Variants in FBXL17 observed in about 807,000 individuals in gnomAD.
FBXL17 encodes the protein F-box/LRR-repeat protein 17.
In FBXL17, 22 loss-of-function variants were observed where a neutral mutation model predicts 66.2. The observed-to-expected ratio is 0.33, with a 90% CI of 0.24 to 0.47. FBXL17 has a LOEUF of 0.47. Ranked by LOEUF, FBXL17 falls within the 20% of genes least tolerant of loss-of-function variation. FBXL17 has a pLI of 1.00. For missense variants in FBXL17, 878 were observed against 948.2 expected (o/e 0.93, Z 0.97); for synonymous variants, 474 against 400.5 (o/e 1.18, Z -2.19).
chr5:108,177,841 T>C (rs978938973), intron 6 of FBXL17, among the ~76,000 whole-genome samples: 4 of 150,576 alleles, frequency 2.7e-5, no homozygotes, highest in African/African-American at 4.9e-5. Flanking sequence ...GAACAGTGTC[T>C]GGAACACAGT....
chr5:108,051,473 A>C (rs1323521222), intron 6 of FBXL17, among the ~76,000 whole-genome samples: 1 of 152,252 alleles, frequency 6.6e-6, no homozygotes, highest in Middle Eastern at 3.2e-3. Flanking sequence ...TCACCTAAAC[A>C]GAACCAAAGA....
chr5:108,126,664 C>CAT (rs869283993), intron 6 of FBXL17, among the ~76,000 whole-genome samples: 10,590 of 107,734 alleles, frequency 0.098, 673 homozygotes, highest in African/African-American at 0.21. Flanking sequence ...TATATATATA[C>CAT]ATATATATAT....
intron 7 of FBXL17, among the ~76,000 whole-genome samples, chr5:107,999,763 A>C (rs985397335): frequency 1.3e-5 from 2 of 152,208 alleles, no homozygotes; most frequent in African/African-American, 4.8e-5. Context: ...CTTTACACAT[A>C]ATGAATACTC....
At chr5:107,917,545 C>T (rs928691004) in intron 7 of FBXL17, among the ~76,000 whole-genome samples, 3 of 152,134 alleles carry the variant, frequency 2.0e-5, no homozygotes, top group Admixed American at 1.3e-4. Flanking sequence ...AGCACAGAAC[C>T]GAATAAACAG....
chr5:108,366,716 A>C (rs1196583253), intron 2 of FBXL17, among the ~76,000 whole-genome samples: 1 of 152,090 alleles, frequency 6.6e-6, no homozygotes, highest in Non-Finnish European at 1.5e-5. Context: ...TAACTCCCTC[A>C]CCATTCTCCT....
chr5:108,334,524 C>G (rs184000827), intron 4 of FBXL17, among the ~76,000 whole-genome samples: 1 of 152,306 alleles, frequency 6.6e-6, no homozygotes, highest in Non-Finnish European at 1.5e-5. Context: ...CCAGCTCCCA[C>G]AATTTTCAAT....
At chr5:107,903,638 C>A (rs1463736792) in intron 7 of FBXL17, among the ~76,000 whole-genome samples, 1 of 152,080 alleles carries the variant, frequency 6.6e-6, no homozygotes, top group African/African-American at 2.4e-5. Flanking sequence ...TATCAAAGAA[C>A]TGTGGTGGGA....
rs940431125 is a variant in FBXL17 at position 108,299,571 on chromosome 5, A to G, written c.1506+48828T>C. On this transcript the variant is annotated intron_variant, in intron 4 of 8. Transcript: ENST00000542267. ...AGATAAAGATATATTTTTCCAGAAA[A>G]GCTCCCTGGCGTTTTACTTTCCAAT... 3 of 971,028 alleles carry G rather than the reference A, an allele frequency of 3.1e-6. No homozygotes were observed. In the African/African-American group the frequency reaches 5.3e-5, roughly 17 times the overall value. 60.2% of individuals were successfully genotyped at this position (971,028 alleles called of 1,614,324 possible). A position where few individuals can be genotyped will look rare whatever the true frequency, so the allele number is the denominator to read the frequency against.
chr5:108,356,224 C>T (rs1315577009), intron 3 of FBXL17, among the ~76,000 whole-genome samples: 1 of 152,006 alleles, frequency 6.6e-6, no homozygotes, highest in Admixed American at 6.6e-5. Context: ...AAGAGAGCAT[C>T]AGAATATGTG....
At chr5:108,021,627 T>G (rs1754606340) in intron 6 of FBXL17, among the ~76,000 whole-genome samples, 1 of 151,700 alleles carries the variant, frequency 6.6e-6, no homozygotes. Flanking sequence ...TGTAAGACTG[T>G]CTTTTCTGGT....
intron 6 of FBXL17, among the ~76,000 whole-genome samples, chr5:108,055,476 G>C (rs1747665560): frequency 6.6e-6 from 1 of 150,742 alleles, no homozygotes; most frequent in African/African-American, 2.4e-5. Context: ...GGGTATGGTG[G>C]TGGGCGCCTG....
chr5:108,375,116 A>G (rs1342890638), intron 1 of FBXL17, among the ~76,000 whole-genome samples: 3 of 152,126 alleles, frequency 2.0e-5, no homozygotes, highest in Non-Finnish European at 4.4e-5. Flanking sequence ...CACTTTGGGA[A>G]GCCAAAGTGG....
chr5:108,160,866 T>C (rs540590681), intron 6 of FBXL17, among the ~76,000 whole-genome samples: 1 of 152,210 alleles, frequency 6.6e-6, no homozygotes, highest in African/African-American at 2.4e-5. Context: ...ACAAGGGCCT[T>C]ATTGGAAAGT....
chr5:108,132,737 T>C (rs1370236704), intron 6 of FBXL17, among the ~76,000 whole-genome samples: 1 of 152,188 alleles, frequency 6.6e-6, no homozygotes, highest in Non-Finnish European at 1.5e-5. Context: ...TATTTAACTA[T>C]GTAATAATGA....
At chr5:108,326,951 C>T (rs1002229246) in intron 4 of FBXL17, among the ~76,000 whole-genome samples, 2 of 152,140 alleles carry the variant, frequency 1.3e-5, no homozygotes, top group African/African-American at 4.8e-5. Flanking sequence ...TCCCAAACAA[C>T]TCAGCCAACT....
rs373913114 is a variant in FBXL17 at position 108,059,681 on chromosome 5, C to T, written c.1746-38680G>A. ...CATCGTCAGAAGACAATTTTGACCA[C>T]GAAATGTTTGTAGTGAGAATATCAG... On this transcript the variant is annotated intron_variant, in intron 6 of 8. Coordinates refer to ENST00000542267, the MANE Select transcript of FBXL17 (RefSeq NM_001163315.3). Among the ~76,000 whole-genome samples, 194 of 152,240 alleles carry T rather than the reference C, an allele frequency of 1.3e-3. 7 individuals carry two copies. The South Asian group carries it at 0.038, about 30-fold the overall frequency.
At chr5:107,952,228 C>T (rs1751520938) in intron 7 of FBXL17, among the ~76,000 whole-genome samples, 1 of 152,060 alleles carries the variant, frequency 6.6e-6, no homozygotes, top group African/African-American at 2.4e-5. Flanking sequence ...TACATTTACT[C>T]TTTGTATTCT....
At chr5:108,356,046 T>C (rs932176469) in intron 3 of FBXL17, among the ~76,000 whole-genome samples, 10 of 152,118 alleles carry the variant, frequency 6.6e-5, no homozygotes, top group Non-Finnish European at 1.3e-4. Flanking sequence ...AAGAAAGATA[T>C]GCCATATTAA....
At chr5:108,040,475 G>A (rs1747004118) in intron 6 of FBXL17, among the ~76,000 whole-genome samples, 1 of 151,934 alleles carries the variant, frequency 6.6e-6, no homozygotes, top group Admixed American at 6.6e-5. Context: ...ACTATGTTCT[G>A]TAACCCACAA....
Sources: gnomAD v4.1 joint callset for allele counts (sites outside exome capture counted in the v4.1 genomes callset) on GRCh38, gnomAD v4.1.1 for gene constraint, MANE v1.5 for transcripts, NCBI Gene and HGNC (gene_info 2026-07-23, HGNC 2026-07-21) for gene names.